PROKR2: variants seen among roughly 807,000 people sequenced by gnomAD.
PROKR2 encodes the protein G protein-coupled receptor 73-like 1.
In PROKR2, 26 loss-of-function variants were observed where a neutral mutation model predicts 23.4. The observed-to-expected ratio is 1.11, with a 90% CI of 0.81 to 1.54. The LOEUF (loss-of-function observed/expected upper bound fraction) is 1.54, where lower values mean the gene tolerates loss of function less well. Ranked by LOEUF, PROKR2 falls within the 40% of genes most tolerant of loss-of-function variation. The pLI is 0.00. For missense variants in PROKR2, 453 were observed against 511.5 expected (o/e 0.89, Z 1.10); for synonymous variants, 212 against 201.2 (o/e 1.05, Z -0.45).
chr20:5,309,605 A>G (rs1234524622), intron 2 of PROKR2, among the ~76,000 whole-genome samples: 1 of 152,182 alleles, frequency 6.6e-6, no homozygotes, highest in Non-Finnish European at 1.5e-5. Context: ...AGCAACCTTA[A>G]TTCCATCTGC....
At chr20:5,309,773 C>T (rs1290869326) in intron 2 of PROKR2, among the ~76,000 whole-genome samples, 2 of 130,114 alleles carry the variant, frequency 1.5e-5, no homozygotes, top group Non-Finnish European at 3.3e-5. Flanking sequence ...AGCTCTCTCT[C>T]AATCTGGTTC....
At chr20:5,312,697 G>C (rs1183306103) in intron 2 of PROKR2, among the ~76,000 whole-genome samples, 8 of 152,142 alleles carry the variant, frequency 5.3e-5, no homozygotes, top group African/African-American at 1.9e-4. Context: ...TTGAAAAGAT[G>C]AAAGGAAAAA....
chr20:5,314,108 T>C lies in PROKR2; in HGVS notation c.262A>G (p.Thr88Ala). The C allele has an allele frequency of 6.2e-7, 1 of 1,614,136 alleles. No individual in the cohort carries two copies. Among genetic ancestry groups the C allele is most frequent in the Non-Finnish European group, 8.5e-7 (1 of 1,180,026 alleles). The part of the protein sequence containing the change: ...LTRYKKLRNL[T>A]NLLIANLAIS... ...GCCAGGTTGGCAATGAGCAGATTGGTGAGGTTGCGCAACTTCTTATAGCGG... is the reference window on the plus strand; with the variant it reads ...GCCAGGTTGGCAATGAGCAGATTGGCGAGGTTGCGCAACTTCTTATAGCGG... Residue 88 changes from threonine to alanine, a missense_variant, in exon 2 of 3, where the codon ACC becomes GCC. Thr to Ala is a moderately conservative substitution (Grantham distance 58). Transcript: ENST00000678254.
rs1380400175 is a variant in PROKR2, at chr20:5,301,729, C to T, written c.*311G>A. ...AAGAGTAAATGTCAGCTCCTGCTGT[C>T]CCTGTCTAATCTCATTGGTGTGGTT... On this transcript the variant is annotated 3_prime_UTR_variant, in exon 3 of 3. Transcript: ENST00000678254. 6.6e-6 allele frequency among the ~76,000 whole-genome samples: 1 copy of T among 152,162 alleles called. No homozygotes were observed. Among genetic ancestry groups the T allele is most frequent in the African/African-American group, 2.4e-5 (1 of 41,428 alleles).
At chr20:5,313,357 A>G (rs1228510422) in intron 2 of PROKR2, among the ~76,000 whole-genome samples, 1 of 152,256 alleles carries the variant, frequency 6.6e-6, no homozygotes, top group Admixed American at 6.5e-5. Flanking sequence ...GAGCTCTGCA[A>G]CAAAGTCTAT....
At chr20:5,309,767 C>G (rs73073739) in intron 2 of PROKR2, among the ~76,000 whole-genome samples, 5,074 of 139,244 alleles carry the variant, frequency 0.036, 131 homozygotes, top group Non-Finnish European at 0.05. Flanking sequence ...CTTTATAGCT[C>G]TCTCTCAATC....
In PROKR2 at chr20:5,316,923, C is replaced by T. The variant is rs142870109; in HGVS notation, c.-438G>A. On this transcript the variant is annotated 5_prime_UTR_variant, in exon 1 of 3. Transcript: ENST00000678254. The surrounding 1 kb of genome is among the most constrained non-coding windows in gnomAD (Gnocchi z 5.0). ...GTCCCCGGCAGCGGGGGCAGCCTCT[C>T]GCACGGATTTCAGCGCCTTCGCATC... Among the ~76,000 whole-genome samples, 6 of 152,268 alleles carry T rather than the reference C, an allele frequency of 3.9e-5. No homozygotes were observed. The highest frequency in any genetic ancestry group is 6.5e-5 in the Admixed American group (1 of 15,294).
chr20:5,315,521 G>A (rs1979632098), intron 1 of PROKR2, among the ~76,000 whole-genome samples: 1 of 152,078 alleles, frequency 6.6e-6, no homozygotes, highest in African/African-American at 2.4e-5. Context: ...CCTTCCCCTC[G>A]CCTCTCAGCA....
At chr20:5,307,154 C>A (rs1187228640) in intron 2 of PROKR2, among the ~76,000 whole-genome samples, 3 of 152,074 alleles carry the variant, frequency 2.0e-5, no homozygotes, top group Non-Finnish European at 2.9e-5. Context: ...CCAACTGTCA[C>A]AAGCAACACC....
intron 2 of PROKR2, among the ~76,000 whole-genome samples, chr20:5,309,236 C>T (rs1165425039): frequency 6.6e-6 from 1 of 152,184 alleles, no homozygotes; most frequent in Non-Finnish European, 1.5e-5. Flanking sequence ...CTGCTTGTAA[C>T]AAATTACCGC....
chr20:5,314,873 T>C (rs971513746), intron 1 of PROKR2, among the ~76,000 whole-genome samples: 1 of 152,302 alleles, frequency 6.6e-6, no homozygotes, highest in East Asian at 1.9e-4. Context: ...CCTACAGCTG[T>C]CACAACGTTG....
In PROKR2 at chr20:5,302,088, G is replaced by T. The variant is rs768748105; in HGVS notation, c.1107C>A (p.Thr369=). Residue 369 remains threonine, a synonymous_variant, in exon 3 of 3, where the codon ACC becomes ACA. Transcript: ENST00000678254. Reference sequence around the variant, plus strand: ...CCTCTTCTGTGGTGGGCACCCCGTTGGTTCTGAGGTCAAGGTCAGCACTGG... The same window carrying T: ...CCTCTTCTGTGGTGGGCACCCCGTTTGTTCTGAGGTCAAGGTCAGCACTGG... ...SKSSADLDLR[T]NGVPTTEEVD... is the part of the protein sequence containing the mutation. 13 of 1,614,062 alleles carry T rather than the reference G, an allele frequency of 8.1e-6. No homozygotes were observed. The highest frequency in any genetic ancestry group is 1.6e-4 in the Middle Eastern group (1 of 6,084).
intron 2 of PROKR2, among the ~76,000 whole-genome samples, chr20:5,307,494 A>G (rs1024575181): frequency 1.3e-5 from 2 of 152,230 alleles, no homozygotes; most frequent in African/African-American, 4.8e-5. Flanking sequence ...ACTACTTGTA[A>G]ACAAAATAGA....
intron 2 of PROKR2, among the ~76,000 whole-genome samples, chr20:5,306,720 C>T (rs1979233756): frequency 6.6e-6 from 1 of 152,174 alleles, no homozygotes; most frequent in Admixed American, 6.5e-5. Context: ...ATTAAAAATG[C>T]TCAGTTACTG....
intron 2 of PROKR2, among the ~76,000 whole-genome samples, chr20:5,308,465 ATCCCTTCATTTCG>A (rs1979310272): frequency 8.0e-5 from 3 of 37,436 alleles, no homozygotes; most frequent in Admixed American, 2.0e-4. Flanking sequence ...ATTTCGGCCC[ATCCCTTCATTTCG>A]GCCCATCCCT....
rs1181539749 is a variant in PROKR2 at position 5,316,117 on chromosome 20, G to C, written c.-9+377C>G. ...GCTGGAAGAAAACGGCGGGTGGGTG[G>C]AGGATGCGGTGCGCGGGAATTTCCC... On this transcript the variant is annotated intron_variant, in intron 1 of 2. Transcript: ENST00000678254. The surrounding 1 kb of genome is among the most constrained non-coding windows in gnomAD (Gnocchi z 5.0). The C allele has an allele frequency of 2.2e-6, 1 of 456,714 alleles. No homozygotes were observed. The highest frequency in any genetic ancestry group is 2.3e-5 in the Admixed American group (1 of 42,586). The allele number at this position is 456,714 out of a possible 1,614,324, so 28.3% of individuals were successfully genotyped here. A position where few individuals can be genotyped will look rare whatever the true frequency, so the allele number is the denominator to read the frequency against.
Position 5,299,476 on chromosome 20 carries a change from T to G in PROKR2, c.*2564A>C, listed in dbSNP as rs1452471160. Among the ~76,000 whole-genome samples, 3 of 151,546 alleles carry G rather than the reference T, an allele frequency of 2.0e-5. No individual in the cohort carries two copies. The highest frequency in any genetic ancestry group is 4.4e-5 in the Non-Finnish European group (3 of 67,924). ...AATAAATAAAAATACAATTATTATA[T>G]TTATAGAAATGTACATAACCTAAAA... On this transcript the variant is annotated 3_prime_UTR_variant, in exon 3 of 3. Coordinates refer to ENST00000678254, the MANE Select transcript of PROKR2 (RefSeq NM_144773.4).
Position 5,314,311 on chromosome 20 carries a change from T to C in PROKR2, c.59A>G (p.His20Arg). The change falls in exon 2 of 3, where the codon CAT (histidine) becomes CGT (arginine). Residue 20 changes from histidine (H) to arginine (R), a missense_variant. Physicochemically the swap from His to Arg is conservative, Grantham distance 29 (BLOSUM62 0). Transcript: ENST00000678254. ...FTPNFNPPQD[H>R]ASSLSFNFSY... is the part of the protein sequence containing the mutation. ...GAAGTTAAAGGAGAGGGAGGAGGCATGGTCTTGGGGTGGATTAAAGTTGGG... is the reference window on the plus strand; with the variant it reads ...GAAGTTAAAGGAGAGGGAGGAGGCACGGTCTTGGGGTGGATTAAAGTTGGG... The C allele has an allele frequency of 6.2e-7, 1 of 1,614,076 alleles. No homozygotes were observed. The highest frequency in any genetic ancestry group is 1.1e-5 in the South Asian group (1 of 91,074).
chr20:5,305,576 G>T (rs1244438463), intron 2 of PROKR2, among the ~76,000 whole-genome samples: 65 of 152,140 alleles, frequency 4.3e-4, no homozygotes, highest in Non-Finnish European at 5.9e-5. Context: ...GGGGAAAAGT[G>T]AAATTAAATG....
Sources: allele counts gnomAD v4.1 joint callset (sites outside exome capture counted in the v4.1 genomes callset), GRCh38; gene constraint gnomAD v4.1.1; non-coding constraint Gnocchi (gnomAD v3.1); transcripts MANE v1.5; gene names NCBI Gene and HGNC (gene_info 2026-07-23, HGNC 2026-07-21).